The following TENM2 variants were observed in gnomAD, a reference collection of about 807,000 sequenced individuals.
TENM2 encodes teneurin transmembrane protein 2.
TENM2 carries 52 observed loss-of-function variants against 245.2 expected under a neutral mutation model. The observed-to-expected ratio is 0.21, with a 90% confidence interval of 0.17 to 0.27. TENM2 has a LOEUF of 0.27. Among genes scored for constraint, TENM2 ranks in the 10% least tolerant of loss-of-function variants. The pLI, the probability that TENM2 is intolerant of heterozygous loss-of-function variation, is 1.00. For missense variants in TENM2, 3,046 were observed against 3,666.8 expected, an observed-to-expected ratio of 0.83 and a Z score of 4.37; for synonymous variants, 1,363 against 1,438.9, an observed-to-expected ratio of 0.95 and a Z score of 1.19.
chr5:167,791,412 A>T (rs1487664877), intron 2 of TENM2, among the ~76,000 whole-genome samples: 2 of 146,388 alleles, frequency 1.4e-5, no homozygotes, highest in African/African-American at 5.0e-5. Context: ...TCTCATAGAT[A>T]TGAAATATAT....
At chr5:167,238,116 A>C in the TENM2 span, among the ~76,000 whole-genome samples, 87 of 152,058 alleles carry the variant, frequency 5.7e-4, no homozygotes, top group African/African-American at 2.0e-3. Context: ...ATAATGATTC[A>C]GAAGGGTTGG....
At chr5:167,085,716 C>T in the TENM2 span, among the ~76,000 whole-genome samples, 1 of 152,200 alleles carries the variant, frequency 6.6e-6, no homozygotes, top group East Asian at 1.9e-4. Context: ...CTAGATCACA[C>T]AGCTCCTAAG....
chr5:167,839,583 A>G (rs73803229), intron 2 of TENM2, among the ~76,000 whole-genome samples: 4,419 of 151,890 alleles, frequency 0.029, 131 homozygotes, highest in African/African-American at 0.081. Context: ...GTATGTATGT[A>G]TGTGTTTAAA....
At chr5:167,028,678 A>G in the TENM2 span, among the ~76,000 whole-genome samples, 2 of 152,132 alleles carry the variant, frequency 1.3e-5, no homozygotes, top group East Asian at 3.9e-4. Context: ...TCAAATAGCC[A>G]TATTTATGTA....
chr5:168,125,120 G>A (rs1230650389), intron 11 of TENM2, 70 bp downstream of exon 13: 2 of 1,323,860 alleles, frequency 1.5e-6, no homozygotes, highest in East Asian at 2.5e-5. Flanking sequence ...TTCTCAGATG[G>A]ATGGGAATCT....
chr5:167,841,432 T>C (rs1007790061), intron 2 of TENM2, among the ~76,000 whole-genome samples: 3 of 152,240 alleles, frequency 2.0e-5, no homozygotes, highest in East Asian at 3.8e-4. Flanking sequence ...AACACCCTTA[T>C]GCCTTTTACC....
intron 2 of TENM2, among the ~76,000 whole-genome samples, chr5:167,697,620 G>A (rs1430720152): frequency 6.6e-6 from 1 of 152,100 alleles, no homozygotes; most frequent in Non-Finnish European, 1.5e-5. Flanking sequence ...CTGCCCCCAG[G>A]TTCAAGCGAT....
chr5:167,363,603 C>T (rs1272136886), intron 1 of TENM2, among the ~76,000 whole-genome samples: 5 of 151,112 alleles, frequency 3.3e-5, no homozygotes, highest in Non-Finnish European at 5.9e-5. Flanking sequence ...TGGTGGTGGA[C>T]GCCTGTAGTC....
At chr5:168,040,526 C>T (rs1348081672) in intron 5 of TENM2, among the ~76,000 whole-genome samples, 1 of 152,160 alleles carries the variant, frequency 6.6e-6, no homozygotes, top group African/African-American at 2.4e-5. Context: ...TTTGAAAATT[C>T]ATTCCACTCA....
At chr5:168,059,125 G>T (rs1462672710) in intron 6 of TENM2, among the ~76,000 whole-genome samples, 1 of 152,196 alleles carries the variant, frequency 6.6e-6, no homozygotes, top group African/African-American at 2.4e-5. Flanking sequence ...GAAGTAGCCT[G>T]TGCTGGCTGG....
chr5:167,138,633 A>AT, the TENM2 span, among the ~76,000 whole-genome samples: 1 of 151,906 alleles, frequency 6.6e-6, no homozygotes, highest in Admixed American at 6.6e-5. Context: ...TTATTGATTT[A>AT]TTTTTTGAGA....
chr5:168,096,751 C>CCA (rs1554196324), intron 8 of TENM2, among the ~76,000 whole-genome samples: 11 of 152,204 alleles, frequency 7.2e-5, no homozygotes, highest in Non-Finnish European at 1.6e-4. Context: ...CCCAACTCTC[C>CCA]AAGGGTGATA....
chr5:167,002,803 G>A, the TENM2 span, among the ~76,000 whole-genome samples: 1 of 151,940 alleles, frequency 6.6e-6, no homozygotes, highest in Non-Finnish European at 1.5e-5. Flanking sequence ...AATAATAAAT[G>A]AATAATTATA....
At chr5:167,259,660 A>G in the TENM2 span, among the ~76,000 whole-genome samples, 1 of 152,180 alleles carries the variant, frequency 6.6e-6, no homozygotes, top group Non-Finnish European at 1.5e-5. Context: ...TTTGGTAACA[A>G]CATTAAAAGA....
intron 2 of TENM2, among the ~76,000 whole-genome samples, chr5:167,627,341 G>C (rs895106140): frequency 2.6e-5 from 4 of 152,156 alleles, no homozygotes; most frequent in Non-Finnish European, 5.9e-5. Flanking sequence ...TTTGAAAAGA[G>C]AGAATGTGAG....
the TENM2 span, among the ~76,000 whole-genome samples, chr5:167,047,967 C>CAAA: frequency 2.0e-5 from 3 of 151,910 alleles, no homozygotes; most frequent in Non-Finnish European, 4.4e-5. Context: ...AACAAACAAA[C>CAAA]AAAAAACCTG....
chr5:167,160,449 AC>A, the TENM2 span, among the ~76,000 whole-genome samples: 2 of 152,226 alleles, frequency 1.3e-5, no homozygotes, highest in Non-Finnish European at 2.9e-5. Flanking sequence ...AGGAAGATAT[AC>A]CTTGGTAGTC....
At chr5:167,960,541 C>CG (rs139794154) in intron 4 of TENM2, among the ~76,000 whole-genome samples, 2 of 152,058 alleles carry the variant, frequency 1.3e-5, no homozygotes, top group African/African-American at 4.8e-5. Flanking sequence ...TGGACCCCCC[C>CG]TCCCTCCCAC....
intron 2 of TENM2, among the ~76,000 whole-genome samples, chr5:167,853,297 A>AAAAAAAAAAAAAAAAAAAAAAAAG (rs1561856624): frequency 3.5e-5 from 5 of 141,502 alleles, no homozygotes; most frequent in African/African-American, 1.3e-4. Context: ...CTCAAAAAAA[A>AAAAAAAAAAAAAAAAAAAAAAAAG]AAAAAAAAAA....
Sources: gnomAD v4.1 joint callset for allele counts (sites outside exome capture counted in the v4.1 genomes callset) on GRCh38, gnomAD v4.1.1 for gene constraint, MANE v1.5 for transcripts, NCBI Gene and HGNC (gene_info 2026-07-23, HGNC 2026-07-21) for gene names.